FSTL5: variants seen among roughly 807,000 people sequenced by gnomAD.
The protein encoded by FSTL5 is follistatin-related protein 5.
Under a neutral mutation model 89.1 loss-of-function variants are expected in FSTL5, and 62 were observed. The ratio of observed to expected loss-of-function variants is 0.70; its 90% CI spans 0.57 to 0.86. The LOEUF is 0.86. FSTL5 is among the 40% of genes least tolerant of loss of function. The pLI is 0.00. For missense variants in FSTL5, 1,057 were observed against 1,001.6 expected, an observed-to-expected ratio of 1.06 and a Z score of -0.75; for synonymous variants, 383 against 346.2, an observed-to-expected ratio of 1.11 and a Z score of -1.18.
rs182266275 is a variant in FSTL5 at position 161,976,934 on chromosome 4, T to C, written c.161-56282A>G. Reference sequence around the variant, plus strand: ...CTTTGTTGATATCAAGAAAACCAATTTTGTTTGGAACTGCACGGCATCTTT... The same window carrying C: ...CTTTGTTGATATCAAGAAAACCAATCTTGTTTGGAACTGCACGGCATCTTT... On this transcript the variant is annotated intron_variant, in intron 3 of 15. Transcript: ENST00000306100. 3.3e-3 allele frequency among the ~76,000 whole-genome samples: 510 copies of C among 152,284 alleles called. 2 individuals carry two copies. Among genetic ancestry groups the C allele is most frequent in the African/African-American group, 0.012 (490 of 41,566 alleles).
chr4:161,601,382 G>A (rs1339688723), intron 7 of FSTL5, among the ~76,000 whole-genome samples: 1 of 146,888 alleles, frequency 6.8e-6, no homozygotes, highest in African/African-American at 2.5e-5. Context: ...CAAAACACAG[G>A]TGAAAACCCA....
intron 10 of FSTL5, among the ~76,000 whole-genome samples, chr4:161,529,842 G>A (rs1235387433): frequency 7.0e-6 from 1 of 142,262 alleles, no homozygotes; most frequent in Non-Finnish European, 1.5e-5. Flanking sequence ...GTTATTGAGT[G>A]TAAAAACAAA....
intron 1 of FSTL5, among the ~76,000 whole-genome samples, chr4:162,122,518 G>A (rs116117913): frequency 2.4e-3 from 365 of 152,012 alleles, no homozygotes; most frequent in African/African-American, 8.0e-3. Flanking sequence ...AAAACTACAA[G>A]TTTGTTATGT....
chr4:161,860,158 G>C (rs1019522413), intron 4 of FSTL5, among the ~76,000 whole-genome samples: 1 of 151,972 alleles, frequency 6.6e-6, no homozygotes, highest in African/African-American at 2.4e-5. Context: ...CGTGGTGGCG[G>C]GCGCCTGTAG....
At chr4:161,826,917 T>A (rs1050081451) in intron 4 of FSTL5, among the ~76,000 whole-genome samples, 1 of 152,232 alleles carries the variant, frequency 6.6e-6, no homozygotes, top group African/African-American at 2.4e-5. Context: ...ACTATTCTAT[T>A]CATCATTCTG....
At chr4:161,672,220 C>T (rs1013543454) in intron 6 of FSTL5, among the ~76,000 whole-genome samples, 1 of 152,146 alleles carries the variant, frequency 6.6e-6, no homozygotes, top group Non-Finnish European at 1.5e-5. Flanking sequence ...CAACTTCAGA[C>T]AGGTTTGCTC....
chr4:161,431,950 C>T (rs72681789), intron 15 of FSTL5, among the ~76,000 whole-genome samples: 12,150 of 152,030 alleles, frequency 0.08, 617 homozygotes, highest in Non-Finnish European at 0.12. Context: ...AATAGTTAAG[C>T]ACCCAGATAT....
rs1295085965 is a variant in FSTL5 at position 161,636,627 on chromosome 4, C to A, written c.894+19701G>T. Among the ~76,000 whole-genome samples, 1,155 of 146,730 alleles carry A rather than the reference C, an allele frequency of 7.9e-3. 6 individuals are homozygous for A. The highest frequency in any genetic ancestry group is 0.012 in the Non-Finnish European group (791 of 66,726). ...TCCCTCCCCCATCCCCCCACCCCACCACAGTCCCCAGAGTGTGATATTCCC... is the reference window on the plus strand; with the variant it reads ...TCCCTCCCCCATCCCCCCACCCCACAACAGTCCCCAGAGTGTGATATTCCC... On this transcript the variant is annotated intron_variant, in intron 7 of 15. Coordinates refer to ENST00000306100, the MANE Select transcript of FSTL5 (RefSeq NM_020116.5).
Position 161,529,323 on chromosome 4 carries a change from G to A in FSTL5, c.1312+8843C>T, listed in dbSNP as rs1039842296. ...GTCACAAGACAGGTATTTTCGGTAT[G>A]TTCTGGGTAAAAAGATGAAAAGACT... On this transcript the variant is annotated intron_variant, in intron 10 of 15. Coordinates refer to ENST00000306100, the MANE Select transcript of FSTL5 (RefSeq NM_020116.5). 5.6e-4 allele frequency among the ~76,000 whole-genome samples: 80 copies of A among 142,804 alleles called. 7 individuals carry two copies. Among genetic ancestry groups the A allele is most frequent in the Non-Finnish European group, 2.0e-4 (13 of 65,200 alleles). The allele number at this position is 142,804 out of a possible 152,430, so 93.7% of individuals were successfully genotyped here. A position where few individuals can be genotyped will look rare whatever the true frequency, so the allele number is the denominator to read the frequency against.
At chr4:161,846,951 C>A (rs375715057) in intron 4 of FSTL5, among the ~76,000 whole-genome samples, 2 of 152,036 alleles carry the variant, frequency 1.3e-5, no homozygotes, top group South Asian at 4.1e-4. Context: ...ATATATTTAA[C>A]CCTTAAGTCT....
intron 2 of FSTL5, among the ~76,000 whole-genome samples, chr4:162,105,233 G>C (rs1047700587): frequency 6.6e-6 from 1 of 151,948 alleles, no homozygotes; most frequent in Non-Finnish European, 1.5e-5. Flanking sequence ...TGTGTGGTGA[G>C]AACACTTAAG....
intron 4 of FSTL5, among the ~76,000 whole-genome samples, chr4:161,908,853 A>G (rs1209525695): frequency 2.6e-5 from 4 of 152,120 alleles, no homozygotes; most frequent in African/African-American, 9.7e-5. Flanking sequence ...ATAGTATTAG[A>G]TATGTTTCAA....
intron 4 of FSTL5, among the ~76,000 whole-genome samples, chr4:161,885,913 TGAA>T (rs1732793066): frequency 6.6e-6 from 1 of 152,118 alleles, no homozygotes; most frequent in African/African-American, 2.4e-5. Flanking sequence ...AGGAATGACA[TGAA>T]GAGTTACTGA....
intron 7 of FSTL5, among the ~76,000 whole-genome samples, chr4:161,629,876 C>T (rs552875505): frequency 6.6e-6 from 1 of 152,170 alleles, no homozygotes; most frequent in Admixed American, 6.5e-5. Context: ...ATCCCCTGAA[C>T]GACAGAGTTG....
chr4:161,443,880 A>AT (rs765064655), intron 15 of FSTL5, among the ~76,000 whole-genome samples: 88 of 152,136 alleles, frequency 5.8e-4, no homozygotes, highest in Middle Eastern at 3.4e-3. Flanking sequence ...AGATGTGTGC[A>AT]TATCAACATT....
chr4:161,464,221 C>A (rs143601361), intron 13 of FSTL5, among the ~76,000 whole-genome samples: 1 of 152,164 alleles, frequency 6.6e-6, no homozygotes, highest in African/African-American at 2.4e-5. Context: ...CTAGCCTTGT[C>A]GCCGACTACA....
At chr4:161,582,754 C>A (rs1733478607) in intron 8 of FSTL5, among the ~76,000 whole-genome samples, 1 of 152,152 alleles carries the variant, frequency 6.6e-6, no homozygotes, top group Non-Finnish European at 1.5e-5. Context: ...TTATTTTCCC[C>A]TTTCTTCTAG....
intron 3 of FSTL5, among the ~76,000 whole-genome samples, chr4:161,984,376 A>G (rs1486874090): frequency 2.0e-5 from 3 of 152,072 alleles, no homozygotes; most frequent in Non-Finnish European, 2.9e-5. Context: ...AATTATATAT[A>G]TGTTGTATTC....
intron 10 of FSTL5, among the ~76,000 whole-genome samples, chr4:161,524,594 C>T (rs1275500306): frequency 1.3e-5 from 2 of 152,024 alleles, no homozygotes; most frequent in Non-Finnish European, 2.9e-5. Context: ...CGTCACAATG[C>T]CTTCTTGTCT....
Sources: gnomAD v4.1 joint callset for allele counts (sites outside exome capture counted in the v4.1 genomes callset) on GRCh38, gnomAD v4.1.1 for gene constraint, MANE v1.5 for transcripts, NCBI Gene and HGNC (gene_info 2026-07-23, HGNC 2026-07-21) for gene names.